The following GATM variants were observed in gnomAD, a reference collection of about 807,000 sequenced individuals.
GATM encodes the protein glycine amidinotransferase, also known as glycine amidinotransferase, mitochondrial.
A neutral mutation model predicts 54.2 loss-of-function variants in GATM; 23 were observed. The ratio of observed to expected loss-of-function variants is 0.42; its 90% CI spans 0.31 to 0.60. GATM has a LOEUF of 0.60. Among genes scored for constraint, GATM ranks in the 20% least tolerant of loss-of-function variants. The pLI is 0.14. For synonymous variants in GATM, 168 were observed against 183.1 expected, an observed-to-expected ratio of 0.92 and a Z score of 0.67; for missense variants, 401 against 544.9, an observed-to-expected ratio of 0.74 and a Z score of 2.63.
At chr15:45,364,695 C>T (rs748393606) in intron 7 of GATM, 102 bp downstream of exon 7, 5 of 1,041,292 alleles carry the variant, frequency 4.8e-6, no homozygotes, top group Non-Finnish European at 6.0e-6. Flanking sequence ...TGAGGAAACA[C>T]ATTCTCTAAG....
intron 1 of GATM, chr15:45,377,545 T>C (rs771381051): frequency 3.1e-6 from 1 of 321,546 alleles, no homozygotes; most frequent in Non-Finnish European, 6.0e-6. Context: ...GCATGGCCTA[T>C]AAAATCTAGA....
In GATM at chr15:45,363,501, T is replaced by C. The variant is rs1449854823; in HGVS notation, c.1159+399A>G. 1.2e-5 allele frequency: 3 copies of C among 251,292 alleles called. No individual in the cohort carries two copies. The East Asian group carries it at 2.7e-4, about 22-fold the overall frequency. The allele number at this position is 251,292 out of a possible 1,614,324, so 15.6% of individuals were successfully genotyped here. The stretch of plus-strand genomic sequence containing the variant: ...ATCACACATAAAAGTCACTTCTGCA[T>C]CCGTACCCTTTTGAGTCCTTTGAAA... On this transcript the variant is annotated intron_variant, in intron 8 of 8. Transcript: ENST00000396659.
At chr15:45,373,559 G>A (rs1286176014) in intron 2 of GATM, among the ~76,000 whole-genome samples, 1 of 151,718 alleles carries the variant, frequency 6.6e-6, no homozygotes, top group Non-Finnish European at 1.5e-5. Context: ...ACTATATTTT[G>A]CAGAACAAAA....
intron 2 of GATM, among the ~76,000 whole-genome samples, chr15:45,371,943 T>C (rs1889550505): frequency 1.3e-5 from 2 of 152,224 alleles, no homozygotes; most frequent in South Asian, 2.1e-4. Context: ...AAATATCAAA[T>C]ATATGAAAGT....
At chr15:45,378,060 C>G (rs911900131) in intron 1 of GATM, 1 of 303,466 alleles carries the variant, frequency 3.3e-6, no homozygotes, top group Non-Finnish European at 6.1e-6. Flanking sequence ...CTTGGTGCAG[C>G]GCACCAAGGT....
chr15:45,364,979 A>C, intron 6 of GATM, 119 bp from the exon 7 acceptor site: 4 of 796,196 alleles, frequency 5.0e-6, no homozygotes, highest in Non-Finnish European at 6.2e-6. Flanking sequence ...CTCAGCTTCC[A>C]AAAGAAAGAA....
At chr15:45,387,171 A>T (rs1889813521) in intron 3 of GATM, among the ~76,000 whole-genome samples, 1 of 152,196 alleles carries the variant, frequency 6.6e-6, no homozygotes, top group Non-Finnish European at 1.5e-5. Context: ...CCTTTTCTGG[A>T]AAGTTATGTT....
chr15:45,375,938 G>A (rs1889624948), intron 2 of GATM, among the ~76,000 whole-genome samples: 1 of 152,174 alleles, frequency 6.6e-6, no homozygotes, highest in Non-Finnish European at 1.5e-5. Context: ...AACTGCAATA[G>A]TCCAGGCAGC....
At chr15:45,381,604 G>T (rs1889741792), upstream of GATM, among the ~76,000 whole-genome samples, 1 of 152,240 alleles carries the variant, frequency 6.6e-6, no homozygotes, top group African/African-American at 2.4e-5. Context: ...AACAAGTACA[G>T]AGGAAGGTGT....
At chr15:45,384,632 T>C (rs1258652264) in intron 3 of GATM, among the ~76,000 whole-genome samples, 4 of 152,194 alleles carry the variant, frequency 2.6e-5, no homozygotes, top group African/African-American at 4.8e-5. Context: ...CTCGGACTTT[T>C]AGTGGTAGCT....
chr15:45,394,611 G>A (rs1200388304), intron 3 of GATM, among the ~76,000 whole-genome samples: 1 of 152,166 alleles, frequency 6.6e-6, no homozygotes, highest in Non-Finnish European at 1.5e-5. Flanking sequence ...GAAACATACT[G>A]AGTTCACTCA....
intron 3 of GATM, among the ~76,000 whole-genome samples, chr15:45,390,450 G>A (rs968443747): frequency 1.3e-5 from 2 of 152,156 alleles, no homozygotes; most frequent in African/African-American, 4.8e-5. Flanking sequence ...TTCCTTAAAT[G>A]ACCTTTGATG....
chr15:45,400,507 A>G (rs1358957492), intron 1 of GATM, among the ~76,000 whole-genome samples: 1 of 152,212 alleles, frequency 6.6e-6, no homozygotes, highest in Non-Finnish European at 1.5e-5. Context: ...AAGTGAAATA[A>G]TATTTCCTGT....
chr15:45,363,863 T>G (rs1889404322), intron 8 of GATM, 37 bp downstream of exon 8: 2 of 1,222,236 alleles, frequency 1.6e-6, no homozygotes, highest in Non-Finnish European at 1.2e-6. Context: ...ATTTAACGTT[T>G]TCATGTATGA....
chr15:45,397,400 G>C (rs942866716), intron 2 of GATM: 14 of 152,174 alleles, frequency 9.2e-5, no homozygotes, highest in African/African-American at 3.4e-4. Context: ...ACGGAGGCTG[G>C]AAATTGAGTT....
At chr15:45,375,371 C>A (rs1036753888) in intron 2 of GATM, among the ~76,000 whole-genome samples, 2 of 152,152 alleles carry the variant, frequency 1.3e-5, no homozygotes, top group African/African-American at 4.8e-5. Context: ...GCCTGGCCAC[C>A]ACTAGGAGTT....
chr15:45,372,571 A>G (rs1889560680), intron 2 of GATM, among the ~76,000 whole-genome samples: 1 of 152,182 alleles, frequency 6.6e-6, no homozygotes, highest in Non-Finnish European at 1.5e-5. Flanking sequence ...CCTCCTTCTC[A>G]TGCCAGGCAC....
intron 3 of GATM, among the ~76,000 whole-genome samples, chr15:45,390,527 T>C (rs1356288602): frequency 1.3e-5 from 2 of 152,198 alleles, no homozygotes; most frequent in African/African-American, 4.8e-5. Flanking sequence ...AAGCTAGTAT[T>C]ATCATCAGTT....
Position 45,393,445 on chromosome 15 carries a change from C to T in GATM, c.-319+3477G>A, listed in dbSNP as rs891764661. Among the ~76,000 whole-genome samples the T allele has an allele frequency of 4.5e-4, 69 of 151,872 alleles. 1 individual carries two copies. The highest frequency in any genetic ancestry group is 1.5e-3 in the African/African-American group (60 of 41,328). ...AAAAAAAAAAATAGTTCCAACCTCC[C>T]AAGGTTATTGGGAGGATTAAATGAG... On this transcript the variant is annotated intron_variant, in intron 3 of 4. Transcript: ENST00000561148.
Sources: allele counts gnomAD v4.1 joint callset (sites outside exome capture counted in the v4.1 genomes callset), GRCh38; gene constraint gnomAD v4.1.1; transcripts MANE v1.5; gene names NCBI Gene and HGNC (gene_info 2026-07-23, HGNC 2026-07-21).